Variants in SLC35F3 observed in about 807,000 individuals in gnomAD.
SLC35F3 encodes solute carrier family 35 member F3.
In SLC35F3, 25 loss-of-function variants were observed where a neutral mutation model predicts 49.9. That is an observed-to-expected ratio of 0.50 (90% CI 0.37 to 0.70). SLC35F3 has a LOEUF of 0.70. Ranked by LOEUF, SLC35F3 falls within the 30% of genes least tolerant of loss-of-function variation. The pLI is 0.00. For missense variants in SLC35F3, 525 were observed against 639.8 expected (o/e 0.82, Z 1.94); for synonymous variants, 275 against 265.4 (o/e 1.04, Z -0.35).
chr1:233,981,392 A>G (rs531997999), intron 2 of SLC35F3, among the ~76,000 whole-genome samples: 4 of 152,296 alleles, frequency 2.6e-5, no homozygotes, highest in African/African-American at 9.6e-5. Flanking sequence ...CAAGAATGCT[A>G]TACACATGGA....
chr1:234,128,449 A>G (rs1054504729), intron 2 of SLC35F3, among the ~76,000 whole-genome samples: 2 of 152,218 alleles, frequency 1.3e-5, no homozygotes, highest in Admixed American at 6.5e-5. Flanking sequence ...GGCCAGTTGC[A>G]TGCCTGCTCT....
chr1:234,207,589 C>T (rs931274020), intron 2 of SLC35F3, among the ~76,000 whole-genome samples: 2 of 151,264 alleles, frequency 1.3e-5, no homozygotes, highest in African/African-American at 2.4e-5. Context: ...GCTAACAAGA[C>T]CTAGGAGATT....
intron 2 of SLC35F3, among the ~76,000 whole-genome samples, chr1:234,043,528 C>T (rs1664251855): frequency 6.6e-6 from 1 of 152,118 alleles, no homozygotes; most frequent in African/African-American, 2.4e-5. Context: ...GTGGGATTCT[C>T]AGATCTGTTT....
chr1:234,036,558 A>G (rs1389365773), intron 2 of SLC35F3, among the ~76,000 whole-genome samples: 6 of 152,114 alleles, frequency 3.9e-5, no homozygotes, highest in African/African-American at 9.7e-5. Flanking sequence ...TTAATTTCCT[A>G]TTTTATCTGT....
chr1:234,308,468 T>C (rs1657261740), intron 3 of SLC35F3, among the ~76,000 whole-genome samples: 2 of 152,194 alleles, frequency 1.3e-5, no homozygotes, highest in Admixed American at 6.5e-5. Flanking sequence ...TTGCGATTTC[T>C]TTTTGTAGCT....
intron 3 of SLC35F3, among the ~76,000 whole-genome samples, chr1:234,281,946 C>A (rs1463613269): frequency 6.6e-6 from 1 of 152,152 alleles, no homozygotes; most frequent in Non-Finnish European, 1.5e-5. Context: ...GCAAGGAGCA[C>A]GCAATGGCTG....
intron 2 of SLC35F3, among the ~76,000 whole-genome samples, chr1:234,063,677 A>G (rs1313955334): frequency 2.6e-5 from 4 of 152,140 alleles, no homozygotes; most frequent in South Asian, 2.1e-4. Context: ...GGCTTTTGTC[A>G]TATTTCAGCC....
At chr1:234,278,073 G>A (rs1558095721) in intron 3 of SLC35F3, among the ~76,000 whole-genome samples, 1 of 152,052 alleles carries the variant, frequency 6.6e-6, no homozygotes, top group African/African-American at 2.4e-5. Flanking sequence ...TGCGCCTGTG[G>A]TCCCACCTGC....
At chr1:234,158,368 A>G (rs1214027692) in intron 2 of SLC35F3, among the ~76,000 whole-genome samples, 1 of 152,252 alleles carries the variant, frequency 6.6e-6, no homozygotes, top group Non-Finnish European at 1.5e-5. Flanking sequence ...TACCCCAACA[A>G]TGGGATAGTT....
chr1:234,018,589 G>A (rs114256154), intron 2 of SLC35F3, among the ~76,000 whole-genome samples: 2,894 of 152,250 alleles, frequency 0.019, 92 homozygotes, highest in African/African-American at 0.066. Context: ...AGGGACTGCA[G>A]CACTGGGAAG....
rs546874138 is a variant in SLC35F3 at position 234,306,302 on chromosome 1, C to T, written c.609-2799C>T. On this transcript the variant is annotated intron_variant, in intron 3 of 7. Transcript: ENST00000366618. ...CAGGCTCCCGAGTAGCTGGGATTAC[C>T]GGTGCTCACCACCATGCCTGACTAA... is the stretch of plus-strand genomic sequence containing the variant. Among the ~76,000 whole-genome samples the T allele has an allele frequency of 3.9e-5, 6 of 152,098 alleles. No homozygotes were observed. In the South Asian group the frequency reaches 8.3e-4, roughly 21 times the overall value.
chr1:234,155,137 T>A lies in SLC35F3; in HGVS notation c.284-76280T>A, dbSNP rs181486592. 3.3e-5 allele frequency among the ~76,000 whole-genome samples: 5 copies of A among 152,334 alleles called. No individual in the cohort carries two copies. The East Asian group carries it at 9.6e-4, about 29-fold the overall frequency. ...TATTATTTATTGTTATTTTTCTTTTTTGTTCAAATATTTTCAATCCGTAGT... is the reference window on the plus strand; with the variant it reads ...TATTATTTATTGTTATTTTTCTTTTATGTTCAAATATTTTCAATCCGTAGT... On this transcript the variant is annotated intron_variant, in intron 2 of 7. Transcript: ENST00000366618.
intron 2 of SLC35F3, among the ~76,000 whole-genome samples, chr1:234,139,532 T>A (rs1386739590): frequency 6.6e-6 from 1 of 152,194 alleles, no homozygotes; most frequent in African/African-American, 2.4e-5. Flanking sequence ...TACATAAAAT[T>A]GTTCCTTTCC....
At chr1:234,111,027 T>G (rs1665397887) in intron 2 of SLC35F3, among the ~76,000 whole-genome samples, 2 of 152,208 alleles carry the variant, frequency 1.3e-5, no homozygotes, top group South Asian at 4.2e-4. Flanking sequence ...CTCTAGACGG[T>G]GAGATTTTAG....
At chr1:234,093,030 T>A (rs919763330) in intron 2 of SLC35F3, among the ~76,000 whole-genome samples, 6 of 152,202 alleles carry the variant, frequency 3.9e-5, no homozygotes, top group African/African-American at 1.4e-4. Context: ...AAGTCTGACG[T>A]CTTGGCTTGG....
At chr1:234,172,716 T>C (rs745860670) in intron 2 of SLC35F3, among the ~76,000 whole-genome samples, 3 of 152,202 alleles carry the variant, frequency 2.0e-5, no homozygotes, top group Non-Finnish European at 4.4e-5. Flanking sequence ...TGGTACAGCA[T>C]GTGACTGTTC....
rs541321627 is a variant in SLC35F3 at position 234,237,856 on chromosome 1, C to T, written c.608+6115C>T. ...AGTCTCATTTCCTGTCTGATTTCTT[C>T]GTTATTGTTATTGTATTAAATAATT... On this transcript the variant is annotated intron_variant, in intron 3 of 7. Transcript: ENST00000366618. 3.9e-5 allele frequency among the ~76,000 whole-genome samples: 6 copies of T among 152,256 alleles called. No individual in the cohort carries two copies. The South Asian group carries it at 6.2e-4, about 16-fold the overall frequency.
chr1:233,998,279 T>C (rs1020806593), intron 2 of SLC35F3, among the ~76,000 whole-genome samples: 14 of 152,132 alleles, frequency 9.2e-5, no homozygotes. Context: ...CATTGTTATA[T>C]GCATTGGATA....
At chr1:234,185,401 C>A (rs1666628456) in intron 2 of SLC35F3, among the ~76,000 whole-genome samples, 1 of 152,212 alleles carries the variant, frequency 6.6e-6, no homozygotes. Context: ...GGCAGCCCTG[C>A]AGAAAAGTGA....
Sources: gnomAD v4.1 joint callset for allele counts (sites outside exome capture counted in the v4.1 genomes callset) on GRCh38, gnomAD v4.1.1 for gene constraint, MANE v1.5 for transcripts, NCBI Gene and HGNC (gene_info 2026-07-23, HGNC 2026-07-21) for gene names.